Variants in KIF21A observed in about 807,000 individuals in gnomAD.
The protein encoded by KIF21A is kinesin-like protein KIF21A.
In KIF21A, 114 loss-of-function variants were observed where a neutral mutation model predicts 202.9. The ratio of observed to expected loss-of-function variants is 0.56; its 90% CI spans 0.48 to 0.66. KIF21A has a LOEUF of 0.66. Among genes scored for constraint, KIF21A ranks in the 30% least tolerant of loss-of-function variants. KIF21A has a pLI of 0.00. For synonymous variants in KIF21A, 667 were observed against 670.8 expected (o/e 0.99, Z 0.09); for missense variants, 1,677 against 1,994.9 (o/e 0.84, Z 3.04).
chr12:39,419,052 C>T (rs921346191), intron 1 of KIF21A, among the ~76,000 whole-genome samples: 4 of 152,062 alleles, frequency 2.6e-5, no homozygotes. Context: ...TGGATTCATA[C>T]AAGTAAATAT....
chr12:39,337,569 A>T (rs994149325), intron 16 of KIF21A: 5 of 227,474 alleles, frequency 2.2e-5, no homozygotes, highest in Non-Finnish European at 4.4e-5. Context: ...ACAGCATTGG[A>T]TTTTTGTGAG....
chr12:39,344,397 C>A (rs1397810203), intron 12 of KIF21A, among the ~76,000 whole-genome samples: 3 of 152,166 alleles, frequency 2.0e-5, no homozygotes, highest in African/African-American at 4.8e-5. Flanking sequence ...TCCCAGCAGG[C>A]TTTCCAGTTC....
chr12:39,365,415 G>A (rs1156375304), intron 6 of KIF21A, among the ~76,000 whole-genome samples: 1 of 152,092 alleles, frequency 6.6e-6, no homozygotes, highest in Admixed American at 6.5e-5. Flanking sequence ...ATTTGTGCAG[G>A]TACAAATATC....
At chr12:39,315,760 G>A (rs866782744) in intron 30 of KIF21A, 172 bp downstream of exon 30, 15 of 699,012 alleles carry the variant, frequency 2.1e-5, no homozygotes, top group Middle Eastern at 2.5e-4. Context: ...TATCTAAAAG[G>A]TATGACCACA....
intron 3 of KIF21A, among the ~76,000 whole-genome samples, chr12:39,368,771 T>C (rs1949770105): frequency 6.6e-6 from 1 of 152,086 alleles, no homozygotes; most frequent in Non-Finnish European, 1.5e-5. Flanking sequence ...TTTTCTATGT[T>C]GTGCTACATA....
At chr12:39,325,498 ATTTT>A (rs397714587) in intron 26 of KIF21A, among the ~76,000 whole-genome samples, 1 of 121,472 alleles carries the variant, frequency 8.2e-6, no homozygotes, top group African/African-American at 3.5e-5. Context: ...CGCCCAGCTA[ATTTT>A]TTTTTTTTTT....
At chr12:39,361,750 C>T (rs1311638605) in intron 7 of KIF21A, among the ~76,000 whole-genome samples, 1 of 152,110 alleles carries the variant, frequency 6.6e-6, no homozygotes, top group Non-Finnish European at 1.5e-5. Context: ...TCATGATCTG[C>T]CCGCCTTGGC....
chr12:39,332,518 C>G, intron 20 of KIF21A, 73 bp downstream of exon 20: 1 of 1,138,506 alleles, frequency 8.8e-7, no homozygotes, highest in Non-Finnish European at 1.2e-6. Flanking sequence ...TAAATTTACC[C>G]AGGGAACAAA....
chr12:39,357,264 A>G lies in KIF21A; in HGVS notation c.1389T>C (p.His463=). 6.2e-7 allele frequency: 1 copy of G among 1,614,130 alleles called. No individual in the cohort carries two copies. The highest frequency in any genetic ancestry group is 8.5e-7 in the Non-Finnish European group (1 of 1,179,978). Residue 463 remains histidine (H), a synonymous_variant, in exon 9 of 38, where the codon CAT becomes CAC. Coordinates refer to ENST00000361418, the MANE Select transcript of KIF21A (RefSeq NM_001173464.2). The part of the protein sequence containing the change: ...ITQLVSDQAN[H]VLARAGEGNE... ...CCCACATACCTGCTCTGGCAAGAAC[A>G]TGGTTGGCCTGATCACTAACAAGCT...
chr12:39,366,017 A>G (rs1461797059), intron 6 of KIF21A, among the ~76,000 whole-genome samples: 2 of 152,238 alleles, frequency 1.3e-5, no homozygotes, highest in African/African-American at 4.8e-5. Flanking sequence ...AAAAAATAAA[A>G]GATAAAAATA....
intron 1 of KIF21A, among the ~76,000 whole-genome samples, chr12:39,430,918 A>G (rs1180478291): frequency 6.6e-6 from 1 of 152,184 alleles, no homozygotes; most frequent in Non-Finnish European, 1.5e-5. Context: ...GTCCTTCACC[A>G]TGGTACTATG....
At position 39,294,521 on chromosome 12, in the gene KIF21A, CA is replaced by C; in HGVS notation, c.4932-5del. The C allele has an allele frequency of 6.2e-7, 1 of 1,609,712 alleles. No homozygotes were observed. The highest frequency in any genetic ancestry group is 8.5e-7 in the Non-Finnish European group (1 of 1,176,662). The stretch of plus-strand genomic sequence containing the variant: ...CCAAATTCTCACAGTTCGATCACTA[CA>C]AAAAAATAAACAAAACATGGATATA... On this transcript the variant is annotated splice_region_variant and splice_polypyrimidine_tract_variant and intron_variant, in intron 37 of 37. Coordinates refer to ENST00000361418, the MANE Select transcript of KIF21A (RefSeq NM_001173464.2).
chr12:39,380,599 T>C (rs1490627320), intron 1 of KIF21A, among the ~76,000 whole-genome samples: 3 of 152,182 alleles, frequency 2.0e-5, no homozygotes, highest in Non-Finnish European at 4.4e-5. Flanking sequence ...CTCGAGCCTG[T>C]AGTCCCAGCT....
chr12:39,333,944 G>A (rs1946721223), intron 17 of KIF21A, among the ~76,000 whole-genome samples: 1 of 152,030 alleles, frequency 6.6e-6, no homozygotes, highest in Non-Finnish European at 1.5e-5. Flanking sequence ...GCTCATGCCT[G>A]TAATCCCAGC....
At chr12:39,438,209 G>C (rs1320343129) in intron 1 of KIF21A, among the ~76,000 whole-genome samples, 1 of 152,124 alleles carries the variant, frequency 6.6e-6, no homozygotes, top group Admixed American at 6.5e-5. Context: ...ATTATAACCA[G>C]AATGGGACAA....
intron 1 of KIF21A, among the ~76,000 whole-genome samples, chr12:39,393,937 G>A (rs949376134): frequency 6.6e-6 from 1 of 152,242 alleles, no homozygotes; most frequent in South Asian, 2.1e-4. Context: ...GAAGTAGGCG[G>A]GCTTTTAACT....
At chr12:39,337,304 A>C (rs1282584149) in intron 16 of KIF21A, 101 bp from the exon 17 acceptor site, 1 of 758,660 alleles carries the variant, frequency 1.3e-6, no homozygotes, top group East Asian at 2.5e-5. Flanking sequence ...CTGAATACTT[A>C]ACATGGAAAC....
At chr12:39,335,079 C>A (rs1055454527) in intron 17 of KIF21A, among the ~76,000 whole-genome samples, 1 of 152,054 alleles carries the variant, frequency 6.6e-6, no homozygotes, top group Non-Finnish European at 1.5e-5. Context: ...GAATGAAGTG[C>A]TGATACATGT....
At chr12:39,394,401 A>G (rs1046386607) in intron 1 of KIF21A, among the ~76,000 whole-genome samples, 1 of 152,262 alleles carries the variant, frequency 6.6e-6, no homozygotes, top group African/African-American at 2.4e-5. Context: ...ATAATTAGAC[A>G]TAAATAAAAC....
Sources: gnomAD v4.1 joint callset for allele counts (sites outside exome capture counted in the v4.1 genomes callset) on GRCh38, gnomAD v4.1.1 for gene constraint, MANE v1.5 for transcripts, NCBI Gene and HGNC (gene_info 2026-07-23, HGNC 2026-07-21) for gene names.